SLC35A1: variants seen among roughly 807,000 people sequenced by gnomAD.
SLC35A1 encodes CMP-sialic acid transporter.
Under a neutral mutation model 40.3 loss-of-function variants are expected in SLC35A1, and 21 were observed. The observed-to-expected ratio is 0.52, with a 90% confidence interval of 0.37 to 0.75. The LOEUF (loss-of-function observed/expected upper bound fraction) is 0.75, where lower values mean the gene tolerates loss of function less well. SLC35A1 is among the 30% of genes least tolerant of loss of function. The probability of loss-of-function intolerance (pLI) is 0.00; values close to 1 mark genes in which losing one functional copy is unlikely to be tolerated. For synonymous variants in SLC35A1, 146 were observed against 147.3 expected (o/e 0.99, Z 0.06); for missense variants, 297 against 382.1 (o/e 0.78, Z 1.86).
rs9450704 is a variant in SLC35A1, at chr6:87,472,986, G to C, written c.-18G>C. 358,948 of 657,550 alleles carry C rather than the reference G, an allele frequency of 0.55. 101,285 individuals carry two copies. Among genetic ancestry groups the C allele is most frequent in the African/African-American group, 0.79 (41,501 of 52,430 alleles). 40.7% of individuals were successfully genotyped at this position (657,550 alleles called of 1,614,324 possible). ...GGAGGGGGCGGGCGTCAGTTCCGCG[G>C]GGGGCTGTCGGGGAACCATGGCTGC... On this transcript the variant is annotated 5_prime_UTR_variant, in exon 1 of 8. Coordinates refer to ENST00000369552, the MANE Select transcript of SLC35A1 (RefSeq NM_006416.5).
chr6:87,500,841 A>G (rs184808632), intron 3 of SLC35A1, among the ~76,000 whole-genome samples, 174 bp downstream of exon 3: 17 of 150,422 alleles, frequency 1.1e-4, no homozygotes, highest in African/African-American at 3.4e-4. Context: ...TCCGCCGCCC[A>G]GGTTCAAGCG....
At chr6:87,483,049 G>A (rs1769288122) in intron 2 of SLC35A1, among the ~76,000 whole-genome samples, 1 of 152,110 alleles carries the variant, frequency 6.6e-6, no homozygotes, top group East Asian at 1.9e-4. Flanking sequence ...TGACAACAAG[G>A]TGGTATTGGA....
intron 1 of SLC35A1, among the ~76,000 whole-genome samples, chr6:87,474,354 A>C (rs541477604): frequency 6.6e-6 from 1 of 152,246 alleles, no homozygotes. Context: ...GTCCCCATAA[A>C]CTATAGTAAA....
chr6:87,480,724 A>G (rs1769219901), intron 2 of SLC35A1, among the ~76,000 whole-genome samples: 1 of 151,704 alleles, frequency 6.6e-6, no homozygotes, highest in Non-Finnish European at 1.5e-5. Context: ...AGTGGTAGGA[A>G]CAGTAATGGA....
At chr6:87,485,624 G>A (rs1186623874) in intron 2 of SLC35A1, among the ~76,000 whole-genome samples, 1 of 152,106 alleles carries the variant, frequency 6.6e-6, no homozygotes, top group African/African-American at 2.4e-5. Context: ...TTAGCTGGGT[G>A]TAGTGGTGTG....
At chr6:87,494,848 T>C (rs748048061) in intron 2 of SLC35A1, among the ~76,000 whole-genome samples, 80 of 152,384 alleles carry the variant, frequency 5.2e-4, no homozygotes, top group Non-Finnish European at 8.2e-4. Flanking sequence ...AAAATTGTTA[T>C]AATGCTTTAC....
intron 2 of SLC35A1, among the ~76,000 whole-genome samples, chr6:87,480,206 G>T (rs1288718288): frequency 6.6e-6 from 1 of 152,242 alleles, no homozygotes; most frequent in African/African-American, 2.4e-5. Flanking sequence ...ATTGGTTTTG[G>T]AAGATGGAGG....
chr6:87,497,363 G>A (rs117639028), intron 2 of SLC35A1, among the ~76,000 whole-genome samples: 179 of 152,190 alleles, frequency 1.2e-3, no homozygotes, highest in Non-Finnish European at 1.9e-3. Flanking sequence ...CATCCTGACC[G>A]TGAAAAAATA....
chr6:87,489,892 C>A (rs1582177583), intron 2 of SLC35A1, among the ~76,000 whole-genome samples: 1 of 149,972 alleles, frequency 6.7e-6, no homozygotes, highest in East Asian at 2.0e-4. Context: ...GCAAAGCAGA[C>A]AAAGACAGTA....
At chr6:87,486,498 T>G (rs1219736291) in intron 2 of SLC35A1, among the ~76,000 whole-genome samples, 1 of 152,190 alleles carries the variant, frequency 6.6e-6, no homozygotes, top group Admixed American at 6.5e-5. Context: ...GTGTTTTCAC[T>G]AGAACACTGC....
chr6:87,478,512 G>T (rs182823049), intron 2 of SLC35A1, among the ~76,000 whole-genome samples: 23 of 152,254 alleles, frequency 1.5e-4, no homozygotes, highest in African/African-American at 3.4e-4. Flanking sequence ...AGTGTTGTGT[G>T]TAGGCTTTTA....
intron 7 of SLC35A1, among the ~76,000 whole-genome samples, chr6:87,510,687 C>T (rs980865962): frequency 2.6e-4 from 40 of 151,914 alleles, no homozygotes; most frequent in African/African-American, 9.2e-4. Context: ...CCAGCCTGAC[C>T]AACGTGGAGA....
intron 4 of SLC35A1, among the ~76,000 whole-genome samples, chr6:87,502,948 T>C (rs76352965): frequency 0.024 from 3,631 of 152,174 alleles, 69 homozygotes; most frequent in Non-Finnish European, 0.034. Flanking sequence ...GAATGCAGGT[T>C]GAGTTTGTAT....
intron 2 of SLC35A1, among the ~76,000 whole-genome samples, chr6:87,481,187 G>A (rs186487791): frequency 3.3e-5 from 5 of 152,130 alleles, no homozygotes; most frequent in Non-Finnish European, 5.9e-5. Context: ...AGGCCGAGGC[G>A]GGTGGATCAC....
chr6:87,501,040 G>A (rs750625966), intron 3 of SLC35A1, 118 bp from the exon 4 acceptor site: 44 of 1,020,758 alleles, frequency 4.3e-5, no homozygotes, highest in Non-Finnish European at 6.1e-5. Flanking sequence ...GTGAGCCACC[G>A]TGCCCGGCCA....
intron 4 of SLC35A1, 66 bp from the exon 5 acceptor site, chr6:87,506,316 G>C: frequency 8.0e-7 from 1 of 1,257,492 alleles, no homozygotes; most frequent in Admixed American, 1.7e-5. Flanking sequence ...GTATTTATTT[G>C]TTTGGACTCT....
At chr6:87,495,655 T>G (rs1434540111) in intron 2 of SLC35A1, among the ~76,000 whole-genome samples, 1 of 147,952 alleles carries the variant, frequency 6.8e-6, no homozygotes, top group Non-Finnish European at 1.5e-5. Context: ...CTCAAAGTCT[T>G]TTTTTTTTTT....
chr6:87,478,701 A>G (rs1178617392), intron 2 of SLC35A1, among the ~76,000 whole-genome samples: 2 of 152,228 alleles, frequency 1.3e-5, no homozygotes, highest in Non-Finnish European at 2.9e-5. Context: ...GGCTTATACT[A>G]ATCCACTTGA....
At chr6:87,498,291 C>T (rs979901542) in intron 2 of SLC35A1, among the ~76,000 whole-genome samples, 5 of 152,198 alleles carry the variant, frequency 3.3e-5, no homozygotes, top group Non-Finnish European at 5.9e-5. Context: ...AAAACTTGCA[C>T]TTCATACAGT....
Sources: gnomAD v4.1 joint callset for allele counts (sites outside exome capture counted in the v4.1 genomes callset) on GRCh38, gnomAD v4.1.1 for gene constraint, MANE v1.5 for transcripts, NCBI Gene and HGNC (gene_info 2026-07-23, HGNC 2026-07-21) for gene names.